The following NHS variants were observed in gnomAD, a reference collection of about 807,000 sequenced individuals.
The protein encoded by NHS is NHS actin remodeling regulator.
NHS carries 5 observed loss-of-function variants against 72.5 expected under a neutral mutation model. That is an observed-to-expected ratio of 0.07 (90% CI 0.04 to 0.14). NHS has a LOEUF of 0.14. Ranked by LOEUF, NHS falls within the 10% of genes least tolerant of loss-of-function variation. The pLI is 1.00. For synonymous variants in NHS, 464 were observed against 547.7 expected, an observed-to-expected ratio of 0.85 and a Z score of 2.13; for missense variants, 1,072 against 1,355.7, an observed-to-expected ratio of 0.79 and a Z score of 3.29.
At chrX:17,619,089 C>T (rs1025653057) in intron 1 of NHS, among the ~76,000 whole-genome samples, 5 of 112,181 alleles carry the variant, frequency 4.5e-5, no homozygotes, top group Admixed American at 2.8e-4. Flanking sequence ...TTGGATAGAA[C>T]CCTGTGATTG....
chrX:17,499,602 C>CA lies in NHS; in HGVS notation c.565+123280_565+123281insA, dbSNP rs200943072. ...ATGTGATTTATTGGGAGAGAGTTCTCGGGGGAAACCTGTAAGAGTATGAAG... is the reference window on the plus strand; with the variant it reads ...ATGTGATTTATTGGGAGAGAGTTCTCAGGGGGAAACCTGTAAGAGTATGAAG... On this transcript the variant is annotated intron_variant, in intron 1 of 8. Coordinates refer to ENST00000676302, the MANE Select transcript of NHS (RefSeq NM_001291867.2). Among the ~76,000 whole-genome samples the CA allele has an allele frequency of 6.5e-3, 714 of 110,676 alleles. 10 individuals are homozygous for CA. Among genetic ancestry groups the CA allele is most frequent in the African/African-American group, 0.022 (681 of 30,435 alleles).
At chrX:17,612,153 AT>A (rs1470605770) in intron 1 of NHS, among the ~76,000 whole-genome samples, 1 of 109,072 alleles carries the variant, frequency 9.2e-6, no homozygotes, top group Non-Finnish European at 1.9e-5. Context: ...AATCAGGTAG[AT>A]TCAGACACCA....
At chrX:17,545,297 T>C (rs61665003) in intron 1 of NHS, among the ~76,000 whole-genome samples, 3,619 of 112,354 alleles carry the variant, frequency 0.032, 136 homozygotes, top group African/African-American at 0.11. Context: ...ACAATAGACA[T>C]TTATTATTTG....
At chrX:17,571,154 G>T (rs2065476010) in intron 1 of NHS, among the ~76,000 whole-genome samples, 1 of 112,018 alleles carries the variant, frequency 8.9e-6, no homozygotes, top group African/African-American at 3.3e-5. Context: ...TCTCCATCAG[G>T]CTTTGGTATC....
chrX:17,508,970 C>G (rs2065072677), intron 1 of NHS, among the ~76,000 whole-genome samples: 1 of 111,431 alleles, frequency 9.0e-6, no homozygotes, highest in South Asian at 3.7e-4. Flanking sequence ...GGATTCAAAC[C>G]CAGAGCCTTC....
chrX:17,582,862 T>C (rs1367893346), intron 1 of NHS, among the ~76,000 whole-genome samples: 1 of 112,533 alleles, frequency 8.9e-6, no homozygotes, highest in African/African-American at 3.2e-5. Flanking sequence ...CATACACATA[T>C]GCACACAGGT....
At chrX:17,653,423 TC>T (rs1373704119) in intron 1 of NHS, among the ~76,000 whole-genome samples, 1 of 109,244 alleles carries the variant, frequency 9.2e-6, no homozygotes, top group Non-Finnish European at 1.9e-5. Flanking sequence ...CTTTTCTTTT[TC>T]TTTTTTTTTT....
intron 1 of NHS, among the ~76,000 whole-genome samples, chrX:17,464,730 C>T (rs1801930252): frequency 8.9e-6 from 1 of 112,496 alleles, no homozygotes; most frequent in Non-Finnish European, 1.9e-5. Flanking sequence ...CCATTGTGCT[C>T]AGAGAAAGCT....
intron 1 of NHS, among the ~76,000 whole-genome samples, chrX:17,656,229 C>A (rs2065954473): frequency 8.9e-6 from 1 of 112,976 alleles, no homozygotes; most frequent in Non-Finnish European, 1.9e-5. Context: ...GATTTCTGCA[C>A]CAGGGGAACG....
intron 1 of NHS, among the ~76,000 whole-genome samples, chrX:17,506,838 G>A (rs1248937677): frequency 9.0e-6 from 1 of 111,461 alleles, no homozygotes; most frequent in Non-Finnish European, 1.9e-5. Context: ...GGTTCCAGTT[G>A]GAAAGTAGAT....
chrX:17,449,548 C>T (rs948509566), intron 1 of NHS, among the ~76,000 whole-genome samples: 2 of 112,293 alleles, frequency 1.8e-5, no homozygotes, highest in African/African-American at 6.5e-5. Flanking sequence ...CTTAACATGG[C>T]TGTGTACTTA....
At chrX:17,474,712 G>A (rs887968644) in intron 1 of NHS, among the ~76,000 whole-genome samples, 3 of 112,017 alleles carry the variant, frequency 2.7e-5, no homozygotes, top group African/African-American at 9.7e-5. Flanking sequence ...GCTTGGGTGA[G>A]GCAGCTCCTT....
chrX:17,451,252 T>C (rs61349173), intron 1 of NHS, among the ~76,000 whole-genome samples: 2,832 of 112,140 alleles, frequency 0.025, 85 homozygotes, highest in African/African-American at 0.088. Context: ...TGTTTGTTTC[T>C]AGTGCTGAGC....
chrX:17,625,816 A>G (rs1236335519), intron 1 of NHS, among the ~76,000 whole-genome samples: 1 of 112,098 alleles, frequency 8.9e-6, no homozygotes, highest in Non-Finnish European at 1.9e-5. Context: ...AATCAAATCA[A>G]TATAAATTAT....
intron 1 of NHS, among the ~76,000 whole-genome samples, chrX:17,516,593 A>G (rs1379601278): frequency 9.2e-6 from 1 of 108,402 alleles, no homozygotes; most frequent in Non-Finnish European, 1.9e-5. Context: ...ACACACACAC[A>G]CACACACACA....
At chrX:17,680,572 T>C (rs1339929789) in intron 1 of NHS, among the ~76,000 whole-genome samples, 1 of 113,042 alleles carries the variant, frequency 8.8e-6, no homozygotes. Context: ...CATGCAGTGC[T>C]CTTGGGTATT....
Position 17,538,084 on chromosome X carries a change from C to T in NHS, c.566-149658C>T, listed in dbSNP as rs191010409. 2.5e-3 allele frequency among the ~76,000 whole-genome samples: 279 copies of T among 111,856 alleles called. 2 individuals are homozygous for T. The highest frequency in any genetic ancestry group is 8.2e-3 in the African/African-American group (253 of 30,800). On this transcript the variant is annotated intron_variant, in intron 1 of 8. Transcript: ENST00000676302. Reference sequence around the variant, plus strand: ...AGGGCTAGTGGGACTTTGGCTCTTTCGCAGAGAGGAGAGAGGGTGGAATTG... The same window carrying T: ...AGGGCTAGTGGGACTTTGGCTCTTTTGCAGAGAGGAGAGAGGGTGGAATTG...
rs1404644323 is a variant in NHS, at chrX:17,734,086, CAG to C, written c.*1630_*1631del. 1 of 111,880 alleles carries C rather than the reference CAG, an allele frequency of 8.9e-6. No individual in the cohort carries two copies. The highest frequency in any genetic ancestry group is 3.3e-5 in the African/African-American group (1 of 30,680). 9.2% of individuals were successfully genotyped at this position (111,880 alleles called of 1,213,427 possible). On this transcript the variant is annotated 3_prime_UTR_variant, in exon 9 of 9. Coordinates refer to ENST00000676302, the MANE Select transcript of NHS (RefSeq NM_001291867.2). ...TAGGTTTTGAATGGGAGAGGTAGAACAGAGAGAGAATTAAGAAGGGATCTGAC... is the reference window on the plus strand; with the variant it reads ...TAGGTTTTGAATGGGAGAGGTAGAACAGAGAGAATTAAGAAGGGATCTGAC...
At chrX:17,400,804 A>G (rs772067265) in intron 1 of NHS, among the ~76,000 whole-genome samples, 2 of 112,046 alleles carry the variant, frequency 1.8e-5, no homozygotes, top group African/African-American at 6.5e-5. Context: ...CGAGATGGCT[A>G]TACTCCCTAA....
Sources: gnomAD v4.1 joint callset for allele counts (sites outside exome capture counted in the v4.1 genomes callset) on GRCh38, gnomAD v4.1.1 for gene constraint, MANE v1.5 for transcripts, NCBI Gene and HGNC (gene_info 2026-07-23, HGNC 2026-07-21) for gene names.